SLC30A1: variants seen among roughly 807,000 people sequenced by gnomAD.
The protein encoded by SLC30A1 is proton-coupled zinc antiporter SLC30A1.
In SLC30A1, 7 loss-of-function variants were observed where a neutral mutation model predicts 29.8. The observed-to-expected ratio is 0.23, with a 90% CI of 0.13 to 0.44. The LOEUF (loss-of-function observed/expected upper bound fraction) is 0.44. SLC30A1 is among the 20% of genes least tolerant of loss of function. The probability of loss-of-function intolerance (pLI) is 1.00; values close to 1 mark genes in which losing one functional copy is unlikely to be tolerated. For missense variants in SLC30A1, 446 were observed against 647.9 expected, an observed-to-expected ratio of 0.69 and a Z score of 3.38; for synonymous variants, 254 against 253.5, an observed-to-expected ratio of 1.00 and a Z score of -0.02.
Position 211,575,139 on chromosome 1 carries a change from A to C in SLC30A1, c.*249T>G. Reference sequence around the variant, plus strand: ...ATAAGGTTTAACTTACTTTAAACAAAAATGTAACATAGTGTTAAAACTGGC... The same window carrying C: ...ATAAGGTTTAACTTACTTTAAACAACAATGTAACATAGTGTTAAAACTGGC... On this transcript the variant is annotated 3_prime_UTR_variant, in exon 2 of 2. Transcript: ENST00000367001. This position sits in a 1 kb window ranked among gnomAD's most constrained non-coding sequence, Gnocchi z 6.0. 1 of 339,838 alleles carries C rather than the reference A, an allele frequency of 2.9e-6. No individual in the cohort carries two copies. The highest frequency in any genetic ancestry group is 5.3e-6 in the Non-Finnish European group (1 of 187,602). 21.1% of individuals were successfully genotyped at this position (339,838 alleles called of 1,614,324 possible). A position where few individuals can be genotyped will look rare whatever the true frequency, so the allele number is the denominator to read the frequency against.
In SLC30A1 at chr1:211,574,221, G is replaced by A. The variant is rs1449406990; in HGVS notation, c.*1167C>T. On this transcript the variant is annotated 3_prime_UTR_variant, in exon 2 of 2. Coordinates refer to ENST00000367001, the MANE Select transcript of SLC30A1 (RefSeq NM_021194.3). ...CCACAATTTTCTGTGTAGATATTGTGGCATCTTGCAAAATAAGCCACTATT... is the reference window on the plus strand; with the variant it reads ...CCACAATTTTCTGTGTAGATATTGTAGCATCTTGCAAAATAAGCCACTATT... 1.3e-5 allele frequency: 2 copies of A among 149,302 alleles called. No individual in the cohort carries two copies. The highest frequency in any genetic ancestry group is 3.0e-5 in the Non-Finnish European group (2 of 66,872). 9.2% of individuals were successfully genotyped at this position (149,302 alleles called of 1,614,324 possible). A position where few individuals can be genotyped will look rare whatever the true frequency, so the allele number is the denominator to read the frequency against.
In SLC30A1 at chr1:211,572,446, A is replaced by G. The variant is rs1706665850; in HGVS notation, c.*2942T>C. On this transcript the variant is annotated 3_prime_UTR_variant, in exon 2 of 2. Coordinates refer to ENST00000367001, the MANE Select transcript of SLC30A1 (RefSeq NM_021194.3). The stretch of plus-strand genomic sequence containing the variant: ...CAACTCAACACCAGTTAACATACGA[A>G]ATACTTCACATTAGGTTCCATAGGT... 1 of 152,122 alleles carries G rather than the reference A, an allele frequency of 6.6e-6. No individual in the cohort carries two copies. Among genetic ancestry groups the G allele is most frequent in the Non-Finnish European group, 1.5e-5 (1 of 67,960 alleles). 9.4% of individuals were successfully genotyped at this position (152,122 alleles called of 1,614,324 possible).
Position 211,578,521 on chromosome 1 carries a change from AC to A in SLC30A1, c.91del (p.Val31Ter). 6.2e-7 allele frequency: 1 copy of A among 1,611,056 alleles called. No homozygotes were observed. The highest frequency in any genetic ancestry group is 8.5e-7 in the Non-Finnish European group (1 of 1,179,070). On this transcript the variant is annotated frameshift_variant, in exon 1 of 2. Transcript: ENST00000367001. LOFTEE classifies it high-confidence loss of function. ...GGAGAGCATCGCCAGCGACGAGGTC[AC>A]CCGGCTCACCACCACCTCCAGCACC... ...FMVLEVVVSR[V>X]TSSLAMLSDS...
chr1:211,576,381 AAATTTTTTCAGAAAGT>A, intron 1 of SLC30A1, 92 bp from the exon 2 acceptor site: 1 of 832,468 alleles, frequency 1.2e-6, no homozygotes, highest in African/African-American at 1.7e-5. Context: ...ATGAAGGTGA[AAATTTTTTCAGAAAGT>A]ACAATTAAAA....
chr1:211,575,610 T>C lies in SLC30A1; in HGVS notation c.1302A>G (p.Glu434=). The change falls in exon 2 of 2, where the codon GAA becomes GAG. Residue 434 remains glutamate (E), a synonymous_variant. Transcript: ENST00000367001. The surrounding 1 kb of genome is among the most constrained non-coding windows in gnomAD (Gnocchi z 6.0). ...VGSKSSVVPC[E]LACRTQCALK... ...AAGCACACTGGGTTCTGCAGGCAAG[T>C]TCACACGGAACTACACTTGATTTAG... The C allele has an allele frequency of 6.2e-7, 1 of 1,614,130 alleles. No homozygotes were observed. Among genetic ancestry groups the C allele is most frequent in the Non-Finnish European group, 8.5e-7 (1 of 1,179,994 alleles).
At position 211,575,214 on chromosome 1, in the gene SLC30A1, A is replaced by G. The variant is rs1434478388; in HGVS notation, c.*174T>C. Reference sequence around the variant, plus strand: ...TGTACTCTGTACTAATAATCACAAAATTGTAATATAGAACTCTGTTATGCA... The same window carrying G: ...TGTACTCTGTACTAATAATCACAAAGTTGTAATATAGAACTCTGTTATGCA... On this transcript the variant is annotated 3_prime_UTR_variant, in exon 2 of 2. Coordinates refer to ENST00000367001, the MANE Select transcript of SLC30A1 (RefSeq NM_021194.3). This position sits in a 1 kb window ranked among gnomAD's most constrained non-coding sequence, Gnocchi z 6.0. 3.3e-6 allele frequency: 2 copies of G among 606,336 alleles called. No individual in the cohort carries two copies. The highest frequency in any genetic ancestry group is 2.2e-5 in the South Asian group (1 of 45,726). The allele number at this position is 606,336 out of a possible 1,614,324, so 37.6% of individuals were successfully genotyped here. A position where few individuals can be genotyped will look rare whatever the true frequency, so the allele number is the denominator to read the frequency against.
At position 211,578,712 on chromosome 1, in the gene SLC30A1, C is replaced by T; in HGVS notation, c.-100G>A. On this transcript the variant is annotated 5_prime_UTR_variant, in exon 1 of 2. Transcript: ENST00000367001. Reference sequence around the variant, plus strand: ...CGGCGACCGCGACACGGAGGAGCGCCCGAGTCGGGCCGTTCGGGAAACCGC... The same window carrying T: ...CGGCGACCGCGACACGGAGGAGCGCTCGAGTCGGGCCGTTCGGGAAACCGC... 1 of 1,247,334 alleles carries T rather than the reference C, an allele frequency of 8.0e-7. No homozygotes were observed. Among genetic ancestry groups the T allele is most frequent in the African/African-American group, 1.6e-5 (1 of 62,604 alleles). 77.3% of individuals were successfully genotyped at this position (1,247,334 alleles called of 1,614,324 possible).
rs1706735971 is a variant in SLC30A1 at position 211,577,673 on chromosome 1, C to CTGTAAA, written c.622+312_622+317dup. On this transcript the variant is annotated intron_variant, in intron 1 of 1. Coordinates refer to ENST00000367001, the MANE Select transcript of SLC30A1 (RefSeq NM_021194.3). This position sits in a 1 kb window ranked among gnomAD's most constrained non-coding sequence, Gnocchi z 4.5. ...AAGTCTCCAGCAAAGTTGCTGCAGC[C>CTGTAAA]TGTAAAGACAGCCAAGTGCGGGTGT... Among the ~76,000 whole-genome samples the CTGTAAA allele has an allele frequency of 6.6e-6, 1 of 152,236 alleles. No homozygotes were observed. Among genetic ancestry groups the CTGTAAA allele is most frequent in the Non-Finnish European group, 1.5e-5 (1 of 68,044 alleles).
In SLC30A1 at chr1:211,577,142, A is replaced by C. The variant is rs1273730479; in HGVS notation, c.622+849T>G. On this transcript the variant is annotated intron_variant, in intron 1 of 1. Transcript: ENST00000367001. The surrounding 1 kb of genome is among the most constrained non-coding windows in gnomAD (Gnocchi z 4.5). ...GCATAATTTATAATGATACAAGGTAAATAAACGTAAGTGAAGGAAATAAGA... is the reference window on the plus strand; with the variant it reads ...GCATAATTTATAATGATACAAGGTACATAAACGTAAGTGAAGGAAATAAGA... 6.6e-6 allele frequency among the ~76,000 whole-genome samples: 1 copy of C among 152,248 alleles called. No individual in the cohort carries two copies. Among genetic ancestry groups the C allele is most frequent in the Middle Eastern group, 3.2e-3 (1 of 316 alleles).
At position 211,575,640 on chromosome 1, in the gene SLC30A1, T is replaced by C. The variant is rs745930277; in HGVS notation, c.1272A>G (p.Val424=). 6.2e-7 allele frequency: 1 copy of C among 1,614,210 alleles called. No homozygotes were observed. The highest frequency in any genetic ancestry group is 1.1e-5 in the South Asian group (1 of 91,090). Residue 424 remains valine (V), a synonymous_variant, in exon 2 of 2, where the codon GTA becomes GTG. Transcript: ENST00000367001. The surrounding 1 kb of genome is among the most constrained non-coding windows in gnomAD (Gnocchi z 6.0). ...ACGGAACTACACTTGATTTAGAGCC[T>C]ACACTAGCAAATTCAGGCTGAATGG... The part of the protein sequence containing the change: ...ATTIQPEFAS[V]GSKSSVVPCE...
chr1:211,578,475 C>T lies in SLC30A1; in HGVS notation c.138G>A (p.Ser46=). 1.9e-6 allele frequency: 3 copies of T among 1,612,760 alleles called. No individual in the cohort carries two copies. Among genetic ancestry groups the T allele is most frequent in the Non-Finnish European group, 1.7e-6 (2 of 1,179,600 alleles). ...GCGCCACCACCAGCGCCAGCACGTC[C>T]GACAGCATGTGGAAGGAGTCGGAGA... ...AMLSDSFHML[S]DVLALVVALV... is the part of the protein sequence containing the mutation. The change falls in exon 1 of 2, where the codon TCG becomes TCA. Residue 46 remains serine (S), a synonymous_variant. Transcript: ENST00000367001.
chr1:211,578,696 C>T lies in SLC30A1; in HGVS notation c.-84G>A. ...GCGGGACGCGGAGGGTCGGCGACCGCGACACGGAGGAGCGCCCGAGTCGGG... is the reference window on the plus strand; with the variant it reads ...GCGGGACGCGGAGGGTCGGCGACCGTGACACGGAGGAGCGCCCGAGTCGGG... On this transcript the variant is annotated 5_prime_UTR_variant, in exon 1 of 2. Transcript: ENST00000367001. 1.5e-6 allele frequency: 2 copies of T among 1,352,454 alleles called. No individual in the cohort carries two copies. The highest frequency in any genetic ancestry group is 3.4e-5 in the Admixed American group (1 of 29,150). 83.8% of individuals were successfully genotyped at this position (1,352,454 alleles called of 1,614,324 possible). A position where few individuals can be genotyped will look rare whatever the true frequency, so the allele number is the denominator to read the frequency against.
In SLC30A1 at chr1:211,578,137, AGGCCGT is replaced by A. The variant is rs750710782; in HGVS notation, c.470_475del (p.His157_Gly158del). 159 of 1,608,818 alleles carry A rather than the reference AGGCCGT, an allele frequency of 9.9e-5. No homozygotes were observed. Among genetic ancestry groups the A allele is most frequent in the Middle Eastern group, 1.7e-4 (1 of 5,774 alleles). On this transcript the variant is annotated inframe_deletion, in exon 1 of 2. Transcript: ENST00000367001. ...GCTCTTAACGCGAGGCCCCTTGGGG[AGGCCGT>A]GGCCGTGGCCGTGACCCCCGTGCGA... is the stretch of plus-strand genomic sequence containing the variant.
Position 211,576,298 on chromosome 1 carries a change from A to C in SLC30A1, c.623-9T>G. ...TCTGGGGTTTTCTGGGTCTACAAAG[A>C]AATAAAAATTTTATATCAAATACAT... On this transcript the variant is annotated splice_polypyrimidine_tract_variant and intron_variant, in intron 1 of 1. Coordinates refer to ENST00000367001, the MANE Select transcript of SLC30A1 (RefSeq NM_021194.3). The C allele has an allele frequency of 1.3e-6, 2 of 1,515,178 alleles. No individual in the cohort carries two copies. Among genetic ancestry groups the C allele is most frequent in the South Asian group, 2.5e-5 (2 of 79,282 alleles). The allele number at this position is 1,515,178 out of a possible 1,614,324, so 93.9% of individuals were successfully genotyped here. A position where few individuals can be genotyped will look rare whatever the true frequency, so the allele number is the denominator to read the frequency against.
Position 211,573,735 on chromosome 1 carries a change from G to T in SLC30A1, c.*1653C>A, listed in dbSNP as rs377251921. On this transcript the variant is annotated 3_prime_UTR_variant, in exon 2 of 2. Coordinates refer to ENST00000367001, the MANE Select transcript of SLC30A1 (RefSeq NM_021194.3). ...GATAAGAATATTAAAAGATCAAGAT[G>T]TATTGCAAACTGGCAGGTTATGGTT... 2.0e-5 allele frequency: 3 copies of T among 152,038 alleles called. No individual in the cohort carries two copies. In the East Asian group the frequency reaches 5.8e-4, roughly 29 times the overall value. 9.4% of individuals were successfully genotyped at this position (152,038 alleles called of 1,614,324 possible). A position where few individuals can be genotyped will look rare whatever the true frequency, so the allele number is the denominator to read the frequency against.
Position 211,572,058 on chromosome 1 carries a change from C to T in SLC30A1, c.*3330G>A, listed in dbSNP as rs1429319553. 2 of 152,028 alleles carry T rather than the reference C, an allele frequency of 1.3e-5. No individual in the cohort carries two copies. Among genetic ancestry groups the T allele is most frequent in the Non-Finnish European group, 2.9e-5 (2 of 67,948 alleles). 9.4% of individuals were successfully genotyped at this position (152,028 alleles called of 1,614,324 possible). On this transcript the variant is annotated 3_prime_UTR_variant, in exon 2 of 2. Transcript: ENST00000367001. ...TGGTTTAAAAGTTTAAATTGAATAA[C>T]ATACAAAAGGCTCTTGTGCCAGTGA...
Position 211,579,036 on chromosome 1 carries a change from C to A in SLC30A1, c.-424G>T, listed in dbSNP as rs1706758122. Reference sequence around the variant, plus strand: ...GGGCAGCTTCGCGCCGAGAAAGCTCCGAGCATCTGAGGGCTCTGCTTGCTG... The same window carrying A: ...GGGCAGCTTCGCGCCGAGAAAGCTCAGAGCATCTGAGGGCTCTGCTTGCTG... On this transcript the variant is annotated 5_prime_UTR_variant, in exon 1 of 2. The change creates a premature stop within an existing upstream ORF in the 5' untranslated region. Coordinates refer to ENST00000367001, the MANE Select transcript of SLC30A1 (RefSeq NM_021194.3). Among the ~76,000 whole-genome samples, 1 of 152,196 alleles carries A rather than the reference C, an allele frequency of 6.6e-6. No individual in the cohort carries two copies. Among genetic ancestry groups the A allele is most frequent in the East Asian group, 1.9e-4 (1 of 5,200 alleles).
At position 211,578,741 on chromosome 1, in the gene SLC30A1, G is replaced by A. The variant is rs1282415147; in HGVS notation, c.-129C>T. ...GTCGGGCCGTTCGGGAAACCGCTGA[G>A]GGGCCCCCGCGGCCGCACGGGGACA... On this transcript the variant is annotated 5_prime_UTR_variant, in exon 1 of 2. Transcript: ENST00000367001. 1 of 959,662 alleles carries A rather than the reference G, an allele frequency of 1.0e-6. No individual in the cohort carries two copies. Among genetic ancestry groups the A allele is most frequent in the East Asian group, 3.3e-5 (1 of 30,178 alleles). The allele number at this position is 959,662 out of a possible 1,614,324, so 59.4% of individuals were successfully genotyped here.
chr1:211,576,057 T>C lies in SLC30A1; in HGVS notation c.855A>G (p.Pro285=). The C allele has an allele frequency of 6.2e-7, 1 of 1,613,280 alleles. No individual in the cohort carries two copies. Among genetic ancestry groups the C allele is most frequent in the Non-Finnish European group, 8.5e-7 (1 of 1,179,704 alleles). The change falls in exon 2 of 2, where the codon CCA becomes CCG. Residue 285 remains proline (P), a synonymous_variant. Coordinates refer to ENST00000367001, the MANE Select transcript of SLC30A1 (RefSeq NM_021194.3). ...ATGCTTTGCAGGGGTCAGGGAAACA[T>C]GGATTCACACAAAAATCCCCTTCAG... ...GCSEGDFCVN[P]CFPDPCKAFV...
Sources: allele counts gnomAD v4.1 joint callset (sites outside exome capture counted in the v4.1 genomes callset), GRCh38; gene constraint gnomAD v4.1.1; non-coding constraint Gnocchi (gnomAD v3.1); transcripts MANE v1.5; gene names NCBI Gene and HGNC (gene_info 2026-07-23, HGNC 2026-07-21).